Variants in NOVA2 observed in about 807,000 individuals in gnomAD.
The protein encoded by NOVA2 is NOVA alternative splicing regulator 2.
NOVA2 carries 9 observed loss-of-function variants against 22.5 expected under a neutral mutation model. That is an observed-to-expected ratio of 0.40 (90% confidence interval 0.24 to 0.70). NOVA2 has a LOEUF of 0.70. NOVA2 is among the 30% of genes least tolerant of loss of function. NOVA2 has a pLI of 0.38. For missense variants in NOVA2, 383 were observed against 682.8 expected, an observed-to-expected ratio of 0.56 and a Z score of 4.89; for synonymous variants, 318 against 335.2, an observed-to-expected ratio of 0.95 and a Z score of 0.56.
intron 2 of NOVA2, among the ~76,000 whole-genome samples, chr19:45,954,659 G>A (rs1967976800): frequency 6.6e-6 from 1 of 152,106 alleles, no homozygotes. Flanking sequence ...CAAGGAACTG[G>A]GGAGGGAGGG....
At chr19:45,973,188 C>T in intron 1 of NOVA2, 79 bp downstream of exon 1, 2 of 707,966 alleles carry the variant, frequency 2.8e-6, no homozygotes, top group South Asian at 2.2e-5. Context: ...CTTGCACCTG[C>T]CACGGGAGGG....
At chr19:45,968,648 C>T (rs1968196343) in intron 1 of NOVA2, among the ~76,000 whole-genome samples, 1 of 151,964 alleles carries the variant, frequency 6.6e-6, no homozygotes, top group Non-Finnish European at 1.5e-5. Flanking sequence ...ATCTACCAGC[C>T]TTACGCTATG....
intron 1 of NOVA2, among the ~76,000 whole-genome samples, chr19:45,967,229 C>A (rs942428456): frequency 1.3e-5 from 2 of 152,116 alleles, no homozygotes; most frequent in African/African-American, 4.8e-5. Flanking sequence ...CACATCTTTT[C>A]TGTTTGGGGA....
chr19:45,956,507 G>A (rs561128434), intron 2 of NOVA2, among the ~76,000 whole-genome samples: 1 of 150,462 alleles, frequency 6.6e-6, no homozygotes. Flanking sequence ...GTCTCATTCT[G>A]TCGCCCAGGC....
intron 3 of NOVA2, among the ~76,000 whole-genome samples, chr19:45,952,661 T>C (rs1403088237): frequency 3.3e-5 from 5 of 152,210 alleles, no homozygotes; most frequent in Non-Finnish European, 7.3e-5. Context: ...CGCCTCCCTG[T>C]AAACTGTGAA....
At position 45,938,039 on chromosome 19, in the gene NOVA2, G is replaced by T. The variant is rs1483431987; in HGVS notation, c.*1824C>A. On this transcript the variant is annotated 3_prime_UTR_variant, in exon 4 of 4. Coordinates refer to ENST00000263257, the MANE Select transcript of NOVA2 (RefSeq NM_002516.4). ...AAATGGGGGAGAGGGTGGGCATGGG[G>T]CGCCCCTCCCCCAGAGATGCTGATG... 1 of 152,202 alleles carries T rather than the reference G, an allele frequency of 6.6e-6. No homozygotes were observed. The highest frequency in any genetic ancestry group is 1.9e-4 in the East Asian group (1 of 5,166). The allele number at this position is 152,202 out of a possible 1,614,324, so 9.4% of individuals were successfully genotyped here.
chr19:45,948,610 AAAAAAAG>A (rs1463347932), intron 3 of NOVA2, among the ~76,000 whole-genome samples: 5 of 151,866 alleles, frequency 3.3e-5, no homozygotes, highest in Admixed American at 6.6e-5. Flanking sequence ...AAAAAAAAAA[AAAAAAAG>A]AAAAAAGAAA....
intron 2 of NOVA2, among the ~76,000 whole-genome samples, chr19:45,955,507 G>A (rs1002668542): frequency 3.3e-5 from 5 of 152,148 alleles, no homozygotes; most frequent in Non-Finnish European, 2.9e-5. Context: ...TGTGTGATGC[G>A]TGGAGTGTGA....
In NOVA2 at chr19:45,935,070, GC is replaced by G. The variant is rs1056441269; in HGVS notation, c.*4792del. On this transcript the variant is annotated 3_prime_UTR_variant, in exon 4 of 4. Transcript: ENST00000263257. The stretch of plus-strand genomic sequence containing the variant: ...AGCAATGAGGCCGCAGGTCCCGGTG[GC>G]CGGTGGTGATGGAGTCACTTAGAAG... 8 of 151,242 alleles carry G rather than the reference GC, an allele frequency of 5.3e-5. No homozygotes were observed. The highest frequency in any genetic ancestry group is 1.7e-4 in the African/African-American group (7 of 41,124). The allele number at this position is 151,242 out of a possible 1,614,324, so 9.4% of individuals were successfully genotyped here.
At chr19:45,950,654 G>A (rs1449640370) in intron 3 of NOVA2, among the ~76,000 whole-genome samples, 1 of 152,168 alleles carries the variant, frequency 6.6e-6, no homozygotes. Flanking sequence ...GATAATACAT[G>A]CTTAGAATCT....
chr19:45,953,828 G>C lies in NOVA2; in HGVS notation c.348C>G (p.Val116=), dbSNP rs781550592. The change falls in exon 3 of 4, where the codon GTC becomes GTG. Residue 116 remains valine, a synonymous_variant. Coordinates refer to ENST00000263257, the MANE Select transcript of NOVA2 (RefSeq NM_002516.4). ...TCGTGGTTTGGGGTTGAAGGATGTT[G>C]ACCACCTCAGGCTTGGTCATCGCTT... ...IPQAMTKPEV[V]NILQPQTTMN... 5.6e-6 allele frequency: 9 copies of C among 1,614,080 alleles called. No individual in the cohort carries two copies. Among genetic ancestry groups the C allele is most frequent in the Non-Finnish European group, 6.8e-6 (8 of 1,180,058 alleles).
chr19:45,965,465 A>G (rs1968155964), intron 1 of NOVA2, among the ~76,000 whole-genome samples: 2 of 152,234 alleles, frequency 1.3e-5, no homozygotes, highest in African/African-American at 2.4e-5. Flanking sequence ...GCAGTGGCTC[A>G]CGCCTGTAAT....
At chr19:45,945,968 G>C (rs1286339201) in intron 3 of NOVA2, among the ~76,000 whole-genome samples, 1 of 134,006 alleles carries the variant, frequency 7.5e-6, no homozygotes, top group Non-Finnish European at 1.5e-5. Flanking sequence ...TCATGCCACT[G>C]CCCTCCAGCC....
Position 45,961,146 on chromosome 19 carries a change from G to T in NOVA2, c.93C>A (p.Gly31=). 1 of 1,599,066 alleles carries T rather than the reference G, an allele frequency of 6.3e-7. No individual in the cohort carries two copies. Among genetic ancestry groups the T allele is most frequent in the Non-Finnish European group, 8.5e-7 (1 of 1,173,202 alleles). ...CTKRSNTGEE[G]EYFLKVLIPS... is the part of the protein sequence containing the mutation. ...GGATCAGCACCTTCAGGAAGTATTC[G>T]CCTTCCTCTGCGGGGGCACACAGGG... The change falls in exon 2 of 4, where the codon GGC becomes GGA. Residue 31 remains glycine, a synonymous_variant. Coordinates refer to ENST00000263257, the MANE Select transcript of NOVA2 (RefSeq NM_002516.4).
At chr19:45,961,191 G>A (rs754953874) in intron 1 of NOVA2, 38 bp from the exon 2 acceptor site, 1 of 1,540,848 alleles carries the variant, frequency 6.5e-7, no homozygotes, top group Non-Finnish European at 8.9e-7. Context: ...GTCAGCGGGG[G>A]AGGGGTCTTC....
intron 2 of NOVA2, among the ~76,000 whole-genome samples, chr19:45,954,855 G>GGTGTGTGT (rs10598680): frequency 4.8e-4 from 69 of 144,790 alleles, no homozygotes; most frequent in South Asian, 1.4e-3. Context: ...GCTGGTGAGT[G>GGTGTGTGT]GTGTGTGTGT....
In NOVA2 at chr19:45,961,187, G is replaced by A. The variant is rs778812766; in HGVS notation, c.86-34C>T. The A allele has an allele frequency of 1.7e-5, 27 of 1,553,030 alleles. No homozygotes were observed. The Admixed American group carries it at 3.2e-4, about 19-fold the overall frequency. ...GCACACAGGGTGGAGGGGAGTCAGC[G>A]GGGGAGGGGTCTTCACCTTTGGAGG... On this transcript the variant is annotated intron_variant, in intron 1 of 3. Coordinates refer to ENST00000263257, the MANE Select transcript of NOVA2 (RefSeq NM_002516.4).
chr19:45,965,764 G>A (rs1968159870), intron 1 of NOVA2, among the ~76,000 whole-genome samples: 1 of 152,164 alleles, frequency 6.6e-6, no homozygotes, highest in African/African-American at 2.4e-5. Context: ...CCACTGATGG[G>A]CTCTATGCCC....
At chr19:45,970,380 GTT>G (rs34361192) in intron 1 of NOVA2, among the ~76,000 whole-genome samples, 45 of 142,540 alleles carry the variant, frequency 3.2e-4, no homozygotes, top group East Asian at 6.1e-4. Context: ...TTTTTTGTTG[GTT>G]TTTTTTTTTT....
Sources: allele counts gnomAD v4.1 joint callset (sites outside exome capture counted in the v4.1 genomes callset), GRCh38; gene constraint gnomAD v4.1.1; transcripts MANE v1.5; gene names NCBI Gene and HGNC (gene_info 2026-07-23, HGNC 2026-07-21).